Variants in ARHGEF3 observed in about 807,000 individuals in gnomAD.
ARHGEF3 encodes the protein Rho guanine nucleotide exchange factor 3.
Under a neutral mutation model 63.2 loss-of-function variants are expected in ARHGEF3, and 28 were observed. The observed-to-expected ratio is 0.44, with a 90% CI of 0.33 to 0.61. The LOEUF is 0.61. Ranked by LOEUF, ARHGEF3 falls within the 20% of genes least tolerant of loss-of-function variation. ARHGEF3 has a pLI of 0.03. For missense variants in ARHGEF3, 533 were observed against 659.3 expected, an observed-to-expected ratio of 0.81 and a Z score of 2.10; for synonymous variants, 266 against 254.2, an observed-to-expected ratio of 1.05 and a Z score of -0.44.
At position 56,801,943 on chromosome 3, in the gene ARHGEF3, C is replaced by G; in HGVS notation, c.-145G>C. The G allele has an allele frequency of 6.5e-7, 1 of 1,530,654 alleles. No individual in the cohort carries two copies. Among genetic ancestry groups the G allele is most frequent in the Non-Finnish European group, 8.8e-7 (1 of 1,142,520 alleles). The allele number at this position is 1,530,654 out of a possible 1,614,324, so 94.8% of individuals were successfully genotyped here. A position where few individuals can be genotyped will look rare whatever the true frequency, so the allele number is the denominator to read the frequency against. The stretch of plus-strand genomic sequence containing the variant: ...ACAGCCGGCTTCTAGCCGGGCAGGA[C>G]TCGACTGGGCTCCGGAGCCGAGTGG... On this transcript the variant is annotated 5_prime_UTR_variant, in exon 1 of 10. Transcript: ENST00000296315.
chr3:56,889,145 A>G (rs1240801188), intron 3 of ARHGEF3, among the ~76,000 whole-genome samples: 1 of 151,628 alleles, frequency 6.6e-6, no homozygotes, highest in Non-Finnish European at 1.5e-5. Flanking sequence ...TTTCCAGGAC[A>G]CTCTGTGGCT....
intron 1 of ARHGEF3, among the ~76,000 whole-genome samples, chr3:57,044,939 C>A (rs1309602916): frequency 6.6e-6 from 1 of 152,078 alleles, no homozygotes; most frequent in Non-Finnish European, 1.5e-5. Context: ...CAAATGGTTC[C>A]AATGGAACAA....
intron 4 of ARHGEF3, among the ~76,000 whole-genome samples, chr3:56,849,981 T>C (rs1426005879): frequency 6.6e-6 from 1 of 152,176 alleles, no homozygotes; most frequent in Non-Finnish European, 1.5e-5. Flanking sequence ...TTGTTCAAGA[T>C]CCAAAACTAA....
intron 3 of ARHGEF3, among the ~76,000 whole-genome samples, chr3:56,937,796 C>T (rs776300048): frequency 6.6e-6 from 1 of 152,202 alleles, no homozygotes; most frequent in Non-Finnish European, 1.5e-5. Flanking sequence ...CAGAGTCACT[C>T]ATCTAACTTG....
intron 6 of ARHGEF3, 105 bp from the exon 7 acceptor site, chr3:56,745,567 G>A (rs1426422687): frequency 2.3e-5 from 30 of 1,331,350 alleles, no homozygotes; most frequent in Non-Finnish European, 3.1e-5. Flanking sequence ...ACTGGTCTCT[G>A]GGTCTGGCTG....
At chr3:56,752,982 G>T (rs563939673) in intron 4 of ARHGEF3, among the ~76,000 whole-genome samples, 67 of 152,284 alleles carry the variant, frequency 4.4e-4, no homozygotes, top group African/African-American at 1.6e-3. Context: ...TGTGCCACTG[G>T]AACGAAAATG....
Position 57,040,471 on chromosome 3 carries a change from C to G in ARHGEF3, c.-27-5295G>C, listed in dbSNP as rs34321961. Among the ~76,000 whole-genome samples, 578 of 91,152 alleles carry G rather than the reference C, an allele frequency of 6.3e-3. 3 individuals are homozygous for G. The highest frequency in any genetic ancestry group is 8.9e-3 in the Non-Finnish European group (371 of 41,762). The allele number at this position is 91,152 out of a possible 152,430, so 59.8% of individuals were successfully genotyped here. On this transcript the variant is annotated intron_variant, in intron 1 of 12. Transcript: ENST00000338458. ...CAGCCTGGGCGACAGAATAAGACTC[C>G]GTCAAAAGAAAAGAAAAGAAAAGAA...
At chr3:56,839,045 G>A (rs200989049) in intron 4 of ARHGEF3, among the ~76,000 whole-genome samples, 1 of 152,116 alleles carries the variant, frequency 6.6e-6, no homozygotes, top group African/African-American at 2.4e-5. Flanking sequence ...AGGCTGAGGT[G>A]GGAAGATCAC....
At chr3:57,037,863 A>C (rs1451952775) in intron 1 of ARHGEF3, among the ~76,000 whole-genome samples, 1 of 142,784 alleles carries the variant, frequency 7.0e-6, no homozygotes, top group Non-Finnish European at 1.6e-5. Context: ...CGACAGAGCA[A>C]GACTCCGTCT....
At chr3:56,753,358 G>A in intron 4 of ARHGEF3, 146 bp downstream of exon 4, 1 of 688,222 alleles carries the variant, frequency 1.5e-6, no homozygotes, top group South Asian at 1.9e-5. Flanking sequence ...CTCTTGTTTT[G>A]AAACACTTTC....
At chr3:56,872,512 C>CTTTT (rs71621849) in intron 4 of ARHGEF3, among the ~76,000 whole-genome samples, 1 of 137,378 alleles carries the variant, frequency 7.3e-6, no homozygotes, top group African/African-American at 2.7e-5. Flanking sequence ...TTTTCATATA[C>CTTTT]TTTTTTTTTT....
intron 4 of ARHGEF3, among the ~76,000 whole-genome samples, chr3:56,854,812 G>A (rs1460286376): frequency 2.0e-5 from 3 of 152,004 alleles, no homozygotes; most frequent in African/African-American, 7.3e-5. Context: ...AAGAAGTTTA[G>A]GGGAGAACTT....
intron 2 of ARHGEF3, among the ~76,000 whole-genome samples, chr3:56,972,895 C>A (rs868389855): frequency 2.0e-5 from 3 of 151,700 alleles, no homozygotes; most frequent in African/African-American, 7.3e-5. Flanking sequence ...CTCCAGGTGG[C>A]GAGACGGGGG....
intron 2 of ARHGEF3, among the ~76,000 whole-genome samples, chr3:57,015,438 G>A (rs781407867): frequency 5.3e-5 from 8 of 151,858 alleles, no homozygotes; most frequent in African/African-American, 1.9e-4. Context: ...ATTCGGAAAG[G>A]GATATTTAAA....
chr3:56,852,950 A>G (rs891836988), intron 4 of ARHGEF3, among the ~76,000 whole-genome samples: 2 of 152,224 alleles, frequency 1.3e-5, no homozygotes, highest in Non-Finnish European at 2.9e-5. Flanking sequence ...CAGTAAAAGT[A>G]AGGGCTAAAA....
rs1274499681 is a variant in ARHGEF3, at chr3:57,042,693, TATATA to T, written c.-27-7522_-27-7518del. 7.1e-3 allele frequency among the ~76,000 whole-genome samples: 175 copies of T among 24,558 alleles called. 18 individuals carry two copies. The highest frequency in any genetic ancestry group is 0.041 in the South Asian group (27 of 654). The allele number at this position is 24,558 out of a possible 152,430, so 16.1% of individuals were successfully genotyped here. A position where few individuals can be genotyped will look rare whatever the true frequency, so the allele number is the denominator to read the frequency against. ...ATATATATATATATATATATATATA[TATATA>T]TATTTTTTTTTTTTTTTAGACGGAG... On this transcript the variant is annotated intron_variant, in intron 1 of 12. Coordinates refer to the ARHGEF3 transcript ENST00000338458.
chr3:56,787,850 G>A (rs2036900447), intron 1 of ARHGEF3, among the ~76,000 whole-genome samples: 2 of 152,124 alleles, frequency 1.3e-5, no homozygotes, highest in Non-Finnish European at 2.9e-5. Context: ...TCACAGTGTA[G>A]GCAACTGAGA....
At chr3:56,913,708 C>G (rs2041914479) in intron 3 of ARHGEF3, among the ~76,000 whole-genome samples, 1 of 152,182 alleles carries the variant, frequency 6.6e-6, no homozygotes, top group Non-Finnish European at 1.5e-5. Flanking sequence ...ACTAGTACAA[C>G]TGCTATGGAA....
At chr3:56,991,528 A>G (rs1216184091) in intron 2 of ARHGEF3, among the ~76,000 whole-genome samples, 2 of 152,364 alleles carry the variant, frequency 1.3e-5, no homozygotes, top group East Asian at 3.9e-4. Flanking sequence ...TTAAAGATTG[A>G]TAAATTTGAT....
Sources: allele counts gnomAD v4.1 joint callset (sites outside exome capture counted in the v4.1 genomes callset), GRCh38; gene constraint gnomAD v4.1.1; transcripts MANE v1.5; gene names NCBI Gene and HGNC (gene_info 2026-07-23, HGNC 2026-07-21).